Variants in NTM observed in about 807,000 individuals in gnomAD.
The protein encoded by NTM is IgLON family member 2.
In NTM, 13 loss-of-function variants were observed where a neutral mutation model predicts 42.1. The observed-to-expected ratio is 0.31, with a 90% CI of 0.20 to 0.49. NTM has a LOEUF of 0.49. Ranked by LOEUF, NTM falls within the 20% of genes least tolerant of loss-of-function variation. NTM has a pLI of 0.99. For missense variants in NTM, 373 were observed against 452.8 expected (o/e 0.82, Z 1.60); for synonymous variants, 187 against 179.2 (o/e 1.04, Z -0.35).
chr11:131,993,984 C>G (rs1375473983), intron 2 of NTM, among the ~76,000 whole-genome samples: 2 of 120,478 alleles, frequency 1.7e-5, no homozygotes, highest in Admixed American at 1.9e-4. Context: ...ATCTGGGCCA[C>G]AAGATTGAAA....
intron 1 of NTM, among the ~76,000 whole-genome samples, chr11:131,440,884 G>A (rs1591671734): frequency 7.4e-6 from 1 of 136,008 alleles, no homozygotes; most frequent in Non-Finnish European, 1.5e-5. Context: ...GTGTCTGGGG[G>A]TTTGCAGCCT....
intron 1 of NTM, among the ~76,000 whole-genome samples, chr11:131,382,542 A>C (rs779547303): frequency 6.6e-6 from 1 of 152,204 alleles, no homozygotes; most frequent in Non-Finnish European, 1.5e-5. Context: ...CTTGCAGCTG[A>C]ATACAATCCT....
chr11:131,546,446 C>T (rs191513762), intron 1 of NTM, among the ~76,000 whole-genome samples: 2 of 152,292 alleles, frequency 1.3e-5, no homozygotes, highest in Middle Eastern at 3.4e-3. Context: ...CTTTCACATT[C>T]TGCACAGCAG....
chr11:131,772,214 G>A (rs978143467), intron 1 of NTM, among the ~76,000 whole-genome samples: 1 of 152,104 alleles, frequency 6.6e-6, no homozygotes, highest in Non-Finnish European at 1.5e-5. Context: ...ATAGACATGG[G>A]GATATAACAC....
intron 3 of NTM, among the ~76,000 whole-genome samples, chr11:132,200,568 T>C (rs1384466709): frequency 2.0e-5 from 3 of 152,316 alleles, no homozygotes; most frequent in African/African-American, 4.8e-5. Context: ...TTATAGCTTG[T>C]GTTTGAGTGC....
At chr11:132,288,961 T>G (rs1181539658) in intron 4 of NTM, among the ~76,000 whole-genome samples, 1 of 152,180 alleles carries the variant, frequency 6.6e-6, no homozygotes, top group Non-Finnish European at 1.5e-5. Flanking sequence ...GACTTTTTAC[T>G]CTATCATCTC....
chr11:132,028,647 T>A lies in NTM; in HGVS notation c.167+116999T>A, dbSNP rs551310123. On this transcript the variant is annotated intron_variant, in intron 2 of 8. Coordinates refer to ENST00000683400, the MANE Select transcript of NTM (RefSeq NM_001352005.2). The stretch of plus-strand genomic sequence containing the variant: ...GCCCCTGCGCCGTGAGCTTCACAAG[T>A]GTGTCTCAGGGTTGCTTTTCTTCCC... Among the ~76,000 whole-genome samples the A allele has an allele frequency of 2.0e-5, 3 of 152,192 alleles. No homozygotes were observed. The South Asian group carries it at 6.2e-4, about 32-fold the overall frequency.
chr11:131,800,839 G>T (rs1052169157), intron 1 of NTM, among the ~76,000 whole-genome samples: 1 of 152,184 alleles, frequency 6.6e-6, no homozygotes. Flanking sequence ...GGGTGAGCTT[G>T]TGTCTGTTTA....
intron 1 of NTM, among the ~76,000 whole-genome samples, chr11:131,910,288 C>T (rs2054522239): frequency 6.6e-6 from 1 of 152,188 alleles, no homozygotes; most frequent in Admixed American, 6.5e-5. Flanking sequence ...TGTTCCTTTC[C>T]CAGTTAATTA....
chr11:131,988,070 T>C (rs1475426640), intron 2 of NTM, among the ~76,000 whole-genome samples: 1 of 152,200 alleles, frequency 6.6e-6, no homozygotes, highest in Non-Finnish European at 1.5e-5. Context: ...CGATTTGGTG[T>C]CTGTTGAGAG....
intron 1 of NTM, among the ~76,000 whole-genome samples, chr11:131,698,379 C>A (rs1326948451): frequency 2.0e-5 from 3 of 152,120 alleles, no homozygotes; most frequent in Non-Finnish European, 2.9e-5. Context: ...CAATCATAAT[C>A]ATCACTAGCG....
chr11:131,652,930 A>G (rs974975869), intron 1 of NTM, among the ~76,000 whole-genome samples: 1 of 152,194 alleles, frequency 6.6e-6, no homozygotes, highest in African/African-American at 2.4e-5. Flanking sequence ...AATTGCCTTC[A>G]TCCTTTACCG....
At chr11:131,601,045 A>G (rs1038128436) in intron 1 of NTM, among the ~76,000 whole-genome samples, 2 of 151,990 alleles carry the variant, frequency 1.3e-5, no homozygotes, top group Non-Finnish European at 2.9e-5. Flanking sequence ...TCAGGTTTGG[A>G]GTTTGGGATG....
chr11:131,385,042 C>T (rs980777475), intron 1 of NTM, among the ~76,000 whole-genome samples: 3 of 152,170 alleles, frequency 2.0e-5, no homozygotes, highest in Admixed American at 6.5e-5. Flanking sequence ...GCAGGAGGTA[C>T]CCGGGCATTG....
chr11:131,865,778 A>T (rs2047084669), intron 1 of NTM, among the ~76,000 whole-genome samples: 1 of 151,372 alleles, frequency 6.6e-6, no homozygotes, highest in Admixed American at 6.6e-5. Flanking sequence ...CTACATACAC[A>T]CATGCTACAC....
At chr11:132,172,840 G>T (rs997519348) in intron 3 of NTM, among the ~76,000 whole-genome samples, 24 of 152,242 alleles carry the variant, frequency 1.6e-4, no homozygotes, top group South Asian at 4.1e-4. Flanking sequence ...CCTTTGTTTC[G>T]ATCGCTTTTG....
chr11:131,763,709 CTTTTT>C (rs557522093), intron 1 of NTM, among the ~76,000 whole-genome samples: 2,774 of 71,384 alleles, frequency 0.039, 237 homozygotes, highest in Middle Eastern at 0.067. Context: ...ATCTCTCTCT[CTTTTT>C]TTTTTTTTTT....
intron 1 of NTM, among the ~76,000 whole-genome samples, chr11:131,865,598 G>A (rs2047048889): frequency 6.6e-6 from 1 of 152,138 alleles, no homozygotes; most frequent in Non-Finnish European, 1.5e-5. Flanking sequence ...GCCTAGTGGG[G>A]CAGGCTCCCT....
intron 2 of NTM, among the ~76,000 whole-genome samples, chr11:132,031,182 T>A (rs2075871131): frequency 6.6e-6 from 1 of 152,240 alleles, no homozygotes. Context: ...TGTGACCAGT[T>A]ATTCAATCTA....
Sources: allele counts gnomAD v4.1 joint callset (sites outside exome capture counted in the v4.1 genomes callset), GRCh38; gene constraint gnomAD v4.1.1; transcripts MANE v1.5; gene names NCBI Gene and HGNC (gene_info 2026-07-23, HGNC 2026-07-21).